Variants in ADGRL3 observed in about 807,000 individuals in gnomAD.
The protein encoded by ADGRL3 is calcium-independent alpha-latrotoxin receptor 3.
In ADGRL3, 62 loss-of-function variants were observed where a neutral mutation model predicts 153.5. That is an observed-to-expected ratio of 0.40 (90% CI 0.33 to 0.50). The LOEUF is 0.50. Among genes scored for constraint, ADGRL3 ranks in the 20% least tolerant of loss-of-function variants. The probability of loss-of-function intolerance (pLI) is 0.47; values close to 1 mark genes in which losing one functional copy is unlikely to be tolerated. For synonymous variants in ADGRL3, 710 were observed against 672.5 expected (o/e 1.06, Z -0.86); for missense variants, 1,641 against 1,859.4 (o/e 0.88, Z 2.16).
chr4:61,854,542 T>C (rs956146399), intron 9 of ADGRL3, among the ~76,000 whole-genome samples: 1 of 152,186 alleles, frequency 6.6e-6, no homozygotes, highest in African/African-American at 2.4e-5. Context: ...CATGAGTTCC[T>C]ACTGATAAAA....
intron 9 of ADGRL3, among the ~76,000 whole-genome samples, chr4:61,860,415 G>A (rs2098328427): frequency 6.6e-6 from 1 of 151,976 alleles, no homozygotes; most frequent in Non-Finnish European, 1.5e-5. Context: ...AAGAAATGTG[G>A]AATTATTTGC....
intron 1 of ADGRL3, among the ~76,000 whole-genome samples, chr4:61,327,228 C>A (rs1229391290): frequency 1.3e-5 from 2 of 151,736 alleles, no homozygotes; most frequent in Non-Finnish European, 2.9e-5. Flanking sequence ...ATTCTTAGAG[C>A]TTCCCTCTTT....
chr4:61,723,876 T>A (rs1353893107), intron 6 of ADGRL3, among the ~76,000 whole-genome samples: 1 of 152,304 alleles, frequency 6.6e-6, no homozygotes. Flanking sequence ...ATACCTAAAA[T>A]AATTTCTTAA....
intron 6 of ADGRL3, among the ~76,000 whole-genome samples, chr4:61,677,645 T>C (rs1416719065): frequency 6.6e-6 from 1 of 152,042 alleles, no homozygotes; most frequent in African/African-American, 2.4e-5. Flanking sequence ...TATGAGATTA[T>C]TAGTGAAAAT....
chr4:61,560,883 T>C (rs1042809265), intron 4 of ADGRL3, among the ~76,000 whole-genome samples: 1 of 152,154 alleles, frequency 6.6e-6, no homozygotes, highest in Non-Finnish European at 1.5e-5. Flanking sequence ...ATAGATTCTC[T>C]GATTTGTTTA....
At chr4:61,608,350 A>T (rs1192952701) in intron 5 of ADGRL3, among the ~76,000 whole-genome samples, 10 of 152,224 alleles carry the variant, frequency 6.6e-5, no homozygotes, top group Non-Finnish European at 2.9e-5. Flanking sequence ...ATATTAATTT[A>T]CTGTAAAATG....
At chr4:61,718,461 A>C (rs983814193) in intron 6 of ADGRL3, among the ~76,000 whole-genome samples, 1 of 152,226 alleles carries the variant, frequency 6.6e-6, no homozygotes, top group African/African-American at 2.4e-5. Flanking sequence ...TTGTCATTAC[A>C]TAGTTGTTCC....
At chr4:61,735,969 CA>C (rs536238798) in intron 8 of ADGRL3, among the ~76,000 whole-genome samples, 94 of 151,642 alleles carry the variant, frequency 6.2e-4, no homozygotes, top group African/African-American at 2.1e-3. Flanking sequence ...AAAAACTTGC[CA>C]AAAATATTTT....
At chr4:61,671,789 G>C (rs1236342900) in intron 5 of ADGRL3, among the ~76,000 whole-genome samples, 1 of 152,092 alleles carries the variant, frequency 6.6e-6, no homozygotes, top group African/African-American at 2.4e-5. Context: ...GGGTCCCAGA[G>C]TGACCATGAA....
At chr4:61,556,424 A>C (rs2098767383) in intron 4 of ADGRL3, among the ~76,000 whole-genome samples, 1 of 152,098 alleles carries the variant, frequency 6.6e-6, no homozygotes, top group Non-Finnish European at 1.5e-5. Context: ...GGGGGAGAGC[A>C]GCAGGGAGGG....
chr4:62,047,630 A>G (rs1034696579), intron 25 of ADGRL3, among the ~76,000 whole-genome samples: 5 of 152,132 alleles, frequency 3.3e-5, no homozygotes, highest in African/African-American at 7.2e-5. Flanking sequence ...ATAATTTTCA[A>G]TGAGTATATT....
intron 19 of ADGRL3, among the ~76,000 whole-genome samples, chr4:61,985,920 C>A (rs201514625): frequency 6.6e-4 from 84 of 127,554 alleles, no homozygotes; most frequent in Middle Eastern, 3.9e-3. Context: ...AAAAAAAAAA[C>A]AAAAAAACAC....
At chr4:61,783,061 C>A (rs1292446921) in intron 8 of ADGRL3, among the ~76,000 whole-genome samples, 1 of 152,108 alleles carries the variant, frequency 6.6e-6, no homozygotes, top group Non-Finnish European at 1.5e-5. Context: ...AAATTAATTT[C>A]TATTGGTTCA....
intron 1 of ADGRL3, among the ~76,000 whole-genome samples, chr4:61,352,675 G>C (rs1330233143): frequency 2.6e-5 from 4 of 152,112 alleles, no homozygotes; most frequent in Non-Finnish European, 5.9e-5. Context: ...GTGAGCCACT[G>C]TGCCCGGCCA....
chr4:61,833,355 A>G (rs775097083), intron 9 of ADGRL3, among the ~76,000 whole-genome samples: 1 of 152,144 alleles, frequency 6.6e-6, no homozygotes, highest in Non-Finnish European at 1.5e-5. Flanking sequence ...GGGAATTGCA[A>G]TAGAGAAAGA....
intron 5 of ADGRL3, among the ~76,000 whole-genome samples, chr4:61,613,798 G>A (rs1020093694): frequency 1.3e-5 from 2 of 152,146 alleles, no homozygotes; most frequent in African/African-American, 2.4e-5. Context: ...TTAGTATGAT[G>A]TTAAACAAAA....
At chr4:61,845,650 G>A (rs2098108425) in intron 9 of ADGRL3, among the ~76,000 whole-genome samples, 1 of 151,406 alleles carries the variant, frequency 6.6e-6, no homozygotes, top group Non-Finnish European at 1.5e-5. Context: ...ATAGGTGTAA[G>A]CCACAGCACC....
chr4:61,464,779 C>T (rs1289723462), intron 2 of ADGRL3, among the ~76,000 whole-genome samples: 1 of 152,108 alleles, frequency 6.6e-6, no homozygotes, highest in African/African-American at 2.4e-5. Flanking sequence ...TGTTAATTAT[C>T]TGTTCCCCAG....
chr4:61,852,048 A>C (rs1383205922), intron 9 of ADGRL3, among the ~76,000 whole-genome samples: 1 of 152,142 alleles, frequency 6.6e-6, no homozygotes, highest in Non-Finnish European at 1.5e-5. Flanking sequence ...TAGATCTCAA[A>C]GTTTACATGT....
Sources: gnomAD v4.1 joint callset for allele counts (sites outside exome capture counted in the v4.1 genomes callset) on GRCh38, gnomAD v4.1.1 for gene constraint, MANE v1.5 for transcripts, NCBI Gene and HGNC (gene_info 2026-07-23, HGNC 2026-07-21) for gene names.